Variants in CAMK2A observed in about 807,000 individuals in gnomAD.
The protein encoded by CAMK2A is calcium/calmodulin-dependent protein kinase type II subunit alpha.
CAMK2A carries 7 observed loss-of-function variants against 79.2 expected under a neutral mutation model. That is an observed-to-expected ratio of 0.09 (90% CI 0.05 to 0.17). The LOEUF is 0.17. Ranked by LOEUF, CAMK2A falls within the 10% of genes least tolerant of loss-of-function variation. CAMK2A has a pLI of 1.00. For synonymous variants in CAMK2A, 242 were observed against 251.7 expected, an observed-to-expected ratio of 0.96 and a Z score of 0.36; for missense variants, 214 against 646.4, an observed-to-expected ratio of 0.33 and a Z score of 7.25.
At chr5:150,252,643 T>G (rs1372694401) in intron 7 of CAMK2A, among the ~76,000 whole-genome samples, 3 of 152,194 alleles carry the variant, frequency 2.0e-5, no homozygotes, top group Non-Finnish European at 4.4e-5. Context: ...GTTGAGCCGG[T>G]CAGTTCAAAT....
intron 7 of CAMK2A, among the ~76,000 whole-genome samples, chr5:150,252,707 C>T (rs988900641): frequency 1.2e-4 from 18 of 152,262 alleles, no homozygotes; most frequent in African/African-American, 3.4e-4. Context: ...TACAAGTTAC[C>T]GAGTGTGTAT....
At chr5:150,263,033 G>A (rs1423521706) in intron 3 of CAMK2A, among the ~76,000 whole-genome samples, 1 of 152,170 alleles carries the variant, frequency 6.6e-6, no homozygotes, top group African/African-American at 2.4e-5. Flanking sequence ...TGTTGGTTGG[G>A]GAAGAGGGGG....
intron 13 of CAMK2A, among the ~76,000 whole-genome samples, chr5:150,244,701 G>T (rs77134009): frequency 0.035 from 5,371 of 152,214 alleles, 320 homozygotes; most frequent in African/African-American, 0.12. Flanking sequence ...CAAGAGGAAT[G>T]GCTGTCCATC....
chr5:150,239,483 T>C (rs1755243735), intron 14 of CAMK2A, among the ~76,000 whole-genome samples: 1 of 152,280 alleles, frequency 6.6e-6, no homozygotes, highest in African/African-American at 2.4e-5. Flanking sequence ...TCAGGTCTGC[T>C]GTCAGCCTGC....
intron 15 of CAMK2A, among the ~76,000 whole-genome samples, chr5:150,237,926 G>A (rs914757928): frequency 2.0e-5 from 3 of 151,680 alleles, no homozygotes; most frequent in Non-Finnish European, 4.4e-5. Flanking sequence ...CTCCAGTGGC[G>A]CCGGCATCTT....
intron 11 of CAMK2A, among the ~76,000 whole-genome samples, chr5:150,248,330 A>T (rs1435792650): frequency 5.3e-4 from 16 of 30,222 alleles, no homozygotes; most frequent in African/African-American, 8.8e-4. Flanking sequence ...TTTTTATTTT[A>T]TATATATATA....
chr5:150,248,522 T>C (rs1181490689), intron 11 of CAMK2A, among the ~76,000 whole-genome samples: 1 of 132,396 alleles, frequency 7.6e-6, no homozygotes, highest in African/African-American at 2.9e-5. Context: ...TGTGTGATGT[T>C]CCCCTTCCTG....
chr5:150,253,328 G>T, intron 7 of CAMK2A, 116 bp downstream of exon 7: 1 of 787,546 alleles, frequency 1.3e-6, no homozygotes, highest in Non-Finnish European at 2.2e-6. Flanking sequence ...TACCAGCCCC[G>T]GCTGGCCCAA....
rs894801607 is a variant in CAMK2A, at chr5:150,220,181, C to T, written c.*2529G>A. Reference sequence around the variant, plus strand: ...ACCTCAGGCTCCTCCAGCTCAGTTTCCTCTGGCAGGGAAACCAAGCTCCAA... The same window carrying T: ...ACCTCAGGCTCCTCCAGCTCAGTTTTCTCTGGCAGGGAAACCAAGCTCCAA... On this transcript the variant is annotated 3_prime_UTR_variant, in exon 19 of 19. Coordinates refer to ENST00000671881, the MANE Select transcript of CAMK2A (RefSeq NM_015981.4). 5 of 152,390 alleles carry T rather than the reference C, an allele frequency of 3.3e-5. No homozygotes were observed. The highest frequency in any genetic ancestry group is 7.2e-5 in the African/African-American group (3 of 41,460). 9.4% of individuals were successfully genotyped at this position (152,390 alleles called of 1,614,324 possible). A position where few individuals can be genotyped will look rare whatever the true frequency, so the allele number is the denominator to read the frequency against.
At position 150,221,989 on chromosome 5, in the gene CAMK2A, C is replaced by CA. The variant is rs1754331989; in HGVS notation, c.*720_*721insT. On this transcript the variant is annotated 3_prime_UTR_variant, in exon 19 of 19. Transcript: ENST00000671881. ...CCCCCCAAAAACAATTAGATTCCCTCTCTGAGATACGACAAAGCTGGAATT... is the reference window on the plus strand; with the variant it reads ...CCCCCCAAAAACAATTAGATTCCCTCATCTGAGATACGACAAAGCTGGAATT... The CA allele has an allele frequency of 1.0e-5, 2 of 194,576 alleles. No homozygotes were observed. The highest frequency in any genetic ancestry group is 3.1e-4 in the South Asian group (2 of 6,406). 12.1% of individuals were successfully genotyped at this position (194,576 alleles called of 1,614,324 possible).
chr5:150,236,591 G>A lies in CAMK2A; in HGVS notation c.1066+2109C>T, dbSNP rs1209489584. On this transcript the variant is annotated intron_variant, in intron 15 of 18. Transcript: ENST00000671881. ...AATGGACTCCAGTGGAGAAGACAGA[G>A]CCAGATTACCTCCACGGTCCCTGCC... is the stretch of plus-strand genomic sequence containing the variant. Among the ~76,000 whole-genome samples the A allele has an allele frequency of 2.0e-5, 3 of 152,308 alleles. No individual in the cohort carries two copies. The East Asian group carries it at 5.8e-4, about 29-fold the overall frequency.
chr5:150,288,610 G>A (rs879676022), intron 1 of CAMK2A, among the ~76,000 whole-genome samples: 5 of 152,032 alleles, frequency 3.3e-5, no homozygotes, highest in South Asian at 2.1e-4. Context: ...CCCTCCCCCC[G>A]TGCTCCTGCT....
chr5:150,253,792 T>A (rs1009502958), intron 6 of CAMK2A, among the ~76,000 whole-genome samples: 3 of 152,060 alleles, frequency 2.0e-5, no homozygotes, highest in African/African-American at 7.2e-5. Context: ...CACTCCTCCC[T>A]CCCCACTTCA....
At chr5:150,224,355 C>T (rs1289975795) in intron 17 of CAMK2A, among the ~76,000 whole-genome samples, 1 of 152,128 alleles carries the variant, frequency 6.6e-6, no homozygotes, top group East Asian at 1.9e-4. Flanking sequence ...GCTTCCCCAA[C>T]CCCACCCTTA....
At chr5:150,249,232 C>G (rs1755718126) in intron 11 of CAMK2A, among the ~76,000 whole-genome samples, 1 of 152,250 alleles carries the variant, frequency 6.6e-6, no homozygotes, top group African/African-American at 2.4e-5. Flanking sequence ...CCCTCAGTGC[C>G]TGGCAAAGGC....
At chr5:150,270,681 G>T (rs934035352) in intron 2 of CAMK2A, among the ~76,000 whole-genome samples, 2 of 151,784 alleles carry the variant, frequency 1.3e-5, no homozygotes, top group African/African-American at 4.8e-5. Context: ...GAAGAAAAGC[G>T]GCTGGCAGTT....
At chr5:150,282,918 A>G (rs941608135) in intron 1 of CAMK2A, among the ~76,000 whole-genome samples, 2 of 152,256 alleles carry the variant, frequency 1.3e-5, no homozygotes, top group African/African-American at 4.8e-5. Flanking sequence ...AGTTCTGACC[A>G]TTGGAATGTC....
At chr5:150,237,861 T>A (rs189396065) in intron 15 of CAMK2A, among the ~76,000 whole-genome samples, 1 of 152,186 alleles carries the variant, frequency 6.6e-6, no homozygotes, top group African/African-American at 2.4e-5. Context: ...TCCAATCAAT[T>A]ACCTGATGCT....
chr5:150,272,670 T>C (rs1456554668), intron 2 of CAMK2A, among the ~76,000 whole-genome samples: 1 of 151,268 alleles, frequency 6.6e-6, no homozygotes, highest in Non-Finnish European at 1.5e-5. Flanking sequence ...GACCTTCAGC[T>C]GAGACCTGAA....
Sources: gnomAD v4.1 joint callset for allele counts (sites outside exome capture counted in the v4.1 genomes callset) on GRCh38, gnomAD v4.1.1 for gene constraint, MANE v1.5 for transcripts, NCBI Gene and HGNC (gene_info 2026-07-23, HGNC 2026-07-21) for gene names.